COL5A1: variants seen among roughly 807,000 people sequenced by gnomAD.
COL5A1 encodes collagen type V alpha 1 chain.
A neutral mutation model predicts 263.7 loss-of-function variants in COL5A1; 16 were observed. The ratio of observed to expected loss-of-function variants is 0.06; its 90% CI spans 0.04 to 0.09. The LOEUF is 0.09. Ranked by LOEUF, COL5A1 falls within the 10% of genes least tolerant of loss-of-function variation. The pLI is 1.00. For missense variants in COL5A1, 2,036 were observed against 2,540.5 expected (o/e 0.80, Z 4.27); for synonymous variants, 1,012 against 1,004.5 (o/e 1.01, Z -0.14).
At chr9:134,731,686 TC>T in intron 8 of COL5A1, 23 bp downstream of exon 8, 1 of 1,599,872 alleles carries the variant, frequency 6.3e-7, no homozygotes, top group Non-Finnish European at 8.5e-7. Flanking sequence ...AGGCCCCCGT[TC>T]CGGGTGGGGT....
At chr9:134,839,328 G>C (rs568687101) in intron 65 of COL5A1, among the ~76,000 whole-genome samples, 1 of 152,344 alleles carries the variant, frequency 6.6e-6, no homozygotes, top group South Asian at 2.1e-4. Flanking sequence ...GGGTAACAGA[G>C]CGGCTCGCAG....
At chr9:134,727,144 A>G in intron 4 of COL5A1, 122 bp from the exon 5 acceptor site, 1 of 1,032,928 alleles carries the variant, frequency 9.7e-7, no homozygotes, top group Non-Finnish European at 1.5e-6. Flanking sequence ...GGCTCTGAGG[A>G]CAAGCTCGTC....
At chr9:134,759,554 CAT>C (rs1334970901) in intron 18 of COL5A1, among the ~76,000 whole-genome samples, 2 of 111,792 alleles carry the variant, frequency 1.8e-5, no homozygotes, top group Non-Finnish European at 1.6e-5. Context: ...CACACACACT[CAT>C]ACACACATGC....
intron 1 of COL5A1, among the ~76,000 whole-genome samples, chr9:134,687,740 C>T (rs1833129555): frequency 6.6e-6 from 1 of 152,102 alleles, no homozygotes; most frequent in Non-Finnish European, 1.5e-5. Flanking sequence ...CTCGGTGGGT[C>T]CTCTGGGAAC....
chr9:134,724,228 C>A lies in COL5A1; in HGVS notation c.655-3038C>A, dbSNP rs9409917. ...TGCCTTCCCCCATTGACCTCAAAATCTTTTGCATTACTTATTGAGTGCCTT... is the reference window on the plus strand; with the variant it reads ...TGCCTTCCCCCATTGACCTCAAAATATTTTGCATTACTTATTGAGTGCCTT... On this transcript the variant is annotated intron_variant, in intron 4 of 65. Coordinates refer to ENST00000371817, the MANE Select transcript of COL5A1 (RefSeq NM_000093.5). Among the ~76,000 whole-genome samples, 10 of 152,272 alleles carry A rather than the reference C, an allele frequency of 6.6e-5. No homozygotes were observed. The East Asian group carries it at 1.2e-3, about 18-fold the overall frequency.
At chr9:134,752,929 C>CAACTCCA (rs1354066592) in intron 14 of COL5A1, among the ~76,000 whole-genome samples, 1 of 152,094 alleles carries the variant, frequency 6.6e-6, no homozygotes, top group Admixed American at 6.5e-5. Flanking sequence ...AAACAGCCTC[C>CAACTCCA]AACTCCATCC....
chr9:134,744,905 A>G (rs747219394), intron 11 of COL5A1, among the ~76,000 whole-genome samples: 3 of 152,158 alleles, frequency 2.0e-5, no homozygotes, highest in Non-Finnish European at 2.9e-5. Flanking sequence ...TCATGCACAT[A>G]TGCACACACC....
At chr9:134,822,917 C>A in intron 59 of COL5A1, 81 bp from the exon 60 acceptor site, 1 of 1,540,396 alleles carries the variant, frequency 6.5e-7, no homozygotes, top group East Asian at 2.3e-5. Context: ...AGGGGCGAGA[C>A]CAGGCTGGGC....
intron 4 of COL5A1, among the ~76,000 whole-genome samples, chr9:134,715,072 C>T (rs1050936035): frequency 6.6e-6 from 1 of 151,962 alleles, no homozygotes; most frequent in Non-Finnish European, 1.5e-5. Context: ...ATACGGAGGA[C>T]CCCTGCCAGC....
intron 9 of COL5A1, among the ~76,000 whole-genome samples, chr9:134,735,209 C>CA (rs11288569): frequency 1.7e-3 from 230 of 135,550 alleles, no homozygotes; most frequent in South Asian, 8.2e-3. Flanking sequence ...GACTCCATCT[C>CA]AAAAAAAAAA....
chr9:134,751,087 G>A (rs905920386), intron 13 of COL5A1, among the ~76,000 whole-genome samples: 2 of 152,066 alleles, frequency 1.3e-5, no homozygotes, highest in Admixed American at 6.5e-5. Flanking sequence ...TCAGTGTCCA[G>A]TAGGGGCTCT....
In COL5A1 at chr9:134,700,488, T is replaced by TTAGGAG. The variant is rs1380860368; in HGVS notation, c.491+368_491+373dup. On this transcript the variant is annotated intron_variant, in intron 3 of 65. Transcript: ENST00000371817. The surrounding 1 kb of genome is among the most constrained non-coding windows in gnomAD (Gnocchi z 4.0). ...GGTATCCTTCAAGGACACAGGTGTG[T>TTAGGAG]TAGGAGTGGGAGTGAGCATGAGAAA... is the stretch of plus-strand genomic sequence containing the variant. Among the ~76,000 whole-genome samples, 2 of 152,190 alleles carry TTAGGAG rather than the reference T, an allele frequency of 1.3e-5. No homozygotes were observed. Among genetic ancestry groups the TTAGGAG allele is most frequent in the Non-Finnish European group, 2.9e-5 (2 of 68,022 alleles).
chr9:134,737,585 G>A (rs117846223), intron 9 of COL5A1, among the ~76,000 whole-genome samples: 3,130 of 152,304 alleles, frequency 0.021, 37 homozygotes, highest in South Asian at 0.035. Flanking sequence ...CATGGAACAC[G>A]GAGGACTCTT....
chr9:134,669,320 CTCCT>C (rs757595255), intron 1 of COL5A1, among the ~76,000 whole-genome samples: 39 of 124,498 alleles, frequency 3.1e-4, no homozygotes, highest in South Asian at 6.2e-4. Flanking sequence ...CCCTTCCCTT[CTCCT>C]TCCTTCCTTC....
intron 4 of COL5A1, among the ~76,000 whole-genome samples, chr9:134,703,844 T>A (rs1217833044): frequency 1.3e-5 from 2 of 151,956 alleles, no homozygotes; most frequent in African/African-American, 4.8e-5. Context: ...TTTCACTGTG[T>A]TAGCCAGGAT....
chr9:134,663,829 C>T (rs963175296), intron 1 of COL5A1, among the ~76,000 whole-genome samples: 7 of 152,184 alleles, frequency 4.6e-5, no homozygotes, highest in Admixed American at 6.5e-5. Context: ...TTTAAAGTGT[C>T]GCCTATTGGA....
At chr9:134,676,042 G>T (rs1832676215) in intron 1 of COL5A1, among the ~76,000 whole-genome samples, 1 of 151,784 alleles carries the variant, frequency 6.6e-6, no homozygotes, top group African/African-American at 2.4e-5. Context: ...TAAAAATTTT[G>T]TTTTGGCATT....
chr9:134,760,797 TAC>T (rs1564441082), intron 18 of COL5A1, among the ~76,000 whole-genome samples: 1 of 117,102 alleles, frequency 8.5e-6, no homozygotes, highest in African/African-American at 3.6e-5. Flanking sequence ...CACACACGCA[TAC>T]ACCCTGACAC....
chr9:134,795,348 G>A lies in COL5A1; in HGVS notation c.2799+33G>A, dbSNP rs111253752. 2.6e-3 allele frequency: 4,130 copies of A among 1,605,554 alleles called. 103 individuals carry two copies. The African/African-American group carries it at 0.046, about 18-fold the overall frequency. On this transcript the variant is annotated intron_variant, in intron 34 of 65. Coordinates refer to ENST00000371817, the MANE Select transcript of COL5A1 (RefSeq NM_000093.5). ...TTTGGCCTCCTGGGCGGTGGGCGGC[G>A]TGAACCCAAGTTGCAAGGCTACAGA... is the stretch of plus-strand genomic sequence containing the variant.
Sources: gnomAD v4.1 joint callset for allele counts (sites outside exome capture counted in the v4.1 genomes callset) on GRCh38, gnomAD v4.1.1 for gene constraint, Gnocchi (gnomAD v3.1) non-coding constraint, MANE v1.5 for transcripts, NCBI Gene and HGNC (gene_info 2026-07-23, HGNC 2026-07-21) for gene names.